Variants in FHIT observed in about 807,000 individuals in gnomAD.
The protein encoded by FHIT is bis(5'-adenosyl)-triphosphatase.
FHIT carries 19 observed loss-of-function variants against 17.9 expected under a neutral mutation model. The ratio of observed to expected loss-of-function variants is 1.06; its 90% confidence interval spans 0.74 to 1.56. The LOEUF (loss-of-function observed/expected upper bound fraction) is 1.56. FHIT is among the 40% of genes most tolerant of loss of function. The pLI is 0.00. For synonymous variants in FHIT, 81 were observed against 69.7 expected, an observed-to-expected ratio of 1.16 and a Z score of -0.81; for missense variants, 248 against 189.2, an observed-to-expected ratio of 1.31 and a Z score of -1.82.
chr3:60,699,594 T>G (rs2041191978), intron 4 of FHIT, among the ~76,000 whole-genome samples: 1 of 146,036 alleles, frequency 6.8e-6, no homozygotes, highest in African/African-American at 2.8e-5. Context: ...ATAAAAGCAT[T>G]ATCGTTAGTG....
chr3:60,119,080 T>C (rs1290426014), intron 5 of FHIT, among the ~76,000 whole-genome samples: 3 of 151,934 alleles, frequency 2.0e-5, no homozygotes, highest in Admixed American at 1.3e-4. Context: ...TTTTAATTTA[T>C]TTTTTATTTT....
At chr3:61,206,642 T>A (rs575567774) in intron 1 of FHIT, among the ~76,000 whole-genome samples, 1 of 152,318 alleles carries the variant, frequency 6.6e-6, no homozygotes, top group South Asian at 2.1e-4. Flanking sequence ...TGTAAAGGAA[T>A]GCTTGTGATT....
chr3:59,803,641 T>C (rs547693787), intron 8 of FHIT, among the ~76,000 whole-genome samples: 3 of 152,308 alleles, frequency 2.0e-5, no homozygotes, highest in South Asian at 2.1e-4. Context: ...TTCTGCTAAG[T>C]AAAGAAGTTC....
At position 60,719,292 on chromosome 3, in the gene FHIT, T is replaced by A. The variant is rs1735471; in HGVS notation, c.-18+102627A>T. On this transcript the variant is annotated intron_variant, in intron 4 of 9. Coordinates refer to ENST00000492590, the MANE Select transcript of FHIT (RefSeq NM_002012.4). Reference sequence around the variant, plus strand: ...TTTTCCTTTTAACTACACTCCAATTTGACCTTAAAAATCTATGCTAAAAAT... The same window carrying A: ...TTTTCCTTTTAACTACACTCCAATTAGACCTTAAAAATCTATGCTAAAAAT... Among the ~76,000 whole-genome samples, 13 of 152,166 alleles carry A rather than the reference T, an allele frequency of 8.5e-5. No homozygotes were observed. In the East Asian group the frequency reaches 2.5e-3, roughly 29 times the overall value.
intron 3 of FHIT, among the ~76,000 whole-genome samples, chr3:61,014,808 A>AAAAAAAAAAAAAAAAAAAAAAAAAAT (rs1156410696): frequency 3.7e-5 from 1 of 26,982 alleles, no homozygotes; most frequent in African/African-American, 8.3e-5. Context: ...AAAAAAAAAA[A>AAAAAAAAAAAAAAAAAAAAAAAAAAT]TATATATATA....
intron 5 of FHIT, among the ~76,000 whole-genome samples, chr3:60,359,928 G>A (rs1362313632): frequency 1.3e-5 from 2 of 150,880 alleles, no homozygotes; most frequent in Admixed American, 1.3e-4. Context: ...AATTAGCAGA[G>A]AGCAGGGATG....
At chr3:61,205,797 T>G (rs1477592979) in intron 1 of FHIT, among the ~76,000 whole-genome samples, 1 of 151,966 alleles carries the variant, frequency 6.6e-6, no homozygotes, top group African/African-American at 2.4e-5. Context: ...TAGTTTCTTT[T>G]GCTGTGCAGA....
chr3:59,945,931 C>A (rs993683929), intron 7 of FHIT, among the ~76,000 whole-genome samples: 6 of 152,174 alleles, frequency 3.9e-5, no homozygotes, highest in African/African-American at 1.4e-4. Flanking sequence ...GCTACTGTAG[C>A]CTTGTAGTAC....
At chr3:60,830,059 A>T (rs994032746) in intron 3 of FHIT, among the ~76,000 whole-genome samples, 2 of 152,100 alleles carry the variant, frequency 1.3e-5, no homozygotes, top group Non-Finnish European at 2.9e-5. Context: ...TTTCCTGGGC[A>T]TCCCTCCACA....
At chr3:60,076,317 C>G (rs1703003769) in intron 5 of FHIT, among the ~76,000 whole-genome samples, 1 of 152,022 alleles carries the variant, frequency 6.6e-6, no homozygotes, top group African/African-American at 2.4e-5. Context: ...TCTAAGTATT[C>G]AGAATGAGGT....
intron 1 of FHIT, among the ~76,000 whole-genome samples, chr3:61,232,534 T>C (rs2040132616): frequency 6.6e-6 from 1 of 152,196 alleles, no homozygotes; most frequent in Admixed American, 6.5e-5. Context: ...CTACCTAAAC[T>C]AGAAGATAAA....
intron 4 of FHIT, among the ~76,000 whole-genome samples, chr3:60,715,828 T>C (rs370275798): frequency 6.6e-6 from 1 of 151,978 alleles, no homozygotes; most frequent in African/African-American, 2.4e-5. Context: ...AATATTAACA[T>C]AGTGAAAAAG....
At chr3:60,363,002 T>C (rs879115344) in intron 5 of FHIT, among the ~76,000 whole-genome samples, 1 of 152,122 alleles carries the variant, frequency 6.6e-6, no homozygotes, top group Non-Finnish European at 1.5e-5. Context: ...AATCTAGCAA[T>C]TGAAAAGGAA....
Position 59,752,335 on chromosome 3 carries a change from A to G in FHIT, c.349-14T>C. On this transcript the variant is annotated splice_polypyrimidine_tract_variant and intron_variant, in intron 8 of 9. Coordinates refer to ENST00000492590, the MANE Select transcript of FHIT (RefSeq NM_002012.4). ...ATGTTTCTGGAGCTTTGGAGAAAAA[A>G]AAAGGAAGAGGCTCTTTCATGGGCC... is the stretch of plus-strand genomic sequence containing the variant. The G allele has an allele frequency of 6.2e-7, 1 of 1,604,520 alleles. No individual in the cohort carries two copies. Among genetic ancestry groups the G allele is most frequent in the Non-Finnish European group, 8.5e-7 (1 of 1,174,958 alleles).
chr3:60,426,249 A>G (rs1702660113), intron 5 of FHIT, among the ~76,000 whole-genome samples: 1 of 152,158 alleles, frequency 6.6e-6, no homozygotes, highest in East Asian at 1.9e-4. Flanking sequence ...AGTGCTTGCA[A>G]ATAAGGCCTG....
chr3:60,786,737 G>C (rs1264532388), intron 4 of FHIT, among the ~76,000 whole-genome samples: 1 of 152,100 alleles, frequency 6.6e-6, no homozygotes, highest in Non-Finnish European at 1.5e-5. Context: ...TTTCATCTTT[G>C]TATTTCACCA....
chr3:60,716,201 C>T (rs1385058047), intron 4 of FHIT, among the ~76,000 whole-genome samples: 2 of 151,998 alleles, frequency 1.3e-5, no homozygotes, highest in Admixed American at 6.6e-5. Flanking sequence ...GCTGAGATCA[C>T]ACCGCTACAC....
chr3:60,065,625 CAGTT>C (rs1702467262), intron 5 of FHIT, among the ~76,000 whole-genome samples: 1 of 152,182 alleles, frequency 6.6e-6, no homozygotes, highest in Non-Finnish European at 1.5e-5. Flanking sequence ...GAGACCTAAT[CAGTT>C]AGAGGCAAGA....
rs569870109 is a variant in FHIT, at chr3:59,923,096, A to G, written c.280-682T>C. ...AACACGGTGAAACTCCGTCTCTACT[A>G]AAACTACAAAAACAAAAACTTAGGA... On this transcript the variant is annotated intron_variant, in intron 7 of 9. Coordinates refer to ENST00000492590, the MANE Select transcript of FHIT (RefSeq NM_002012.4). Among the ~76,000 whole-genome samples the G allele has an allele frequency of 1.5e-4, 23 of 151,930 alleles. No homozygotes were observed. In the South Asian group the frequency reaches 2.7e-3, roughly 18 times the overall value.
Sources: allele counts gnomAD v4.1 joint callset (sites outside exome capture counted in the v4.1 genomes callset), GRCh38; gene constraint gnomAD v4.1.1; transcripts MANE v1.5; gene names NCBI Gene and HGNC (gene_info 2026-07-23, HGNC 2026-07-21).